OR11G2: variants seen among roughly 807,000 people sequenced by gnomAD.
The protein encoded by OR11G2 is olfactory receptor 11G2.
A neutral mutation model predicts 0.9 loss-of-function variants in OR11G2; 2 were observed. The ratio of observed to expected loss-of-function variants is 2.35; its 90% CI spans 0.96 to 7.38. The LOEUF (loss-of-function observed/expected upper bound fraction) is 7.38. Among genes scored for constraint, OR11G2 ranks in the 30% most tolerant of loss-of-function variants. The probability of loss-of-function intolerance (pLI) is 0.05; values close to 1 mark genes in which losing one functional copy is unlikely to be tolerated. For missense variants in OR11G2, 395 were observed against 371.3 expected, an observed-to-expected ratio of 1.06 and a Z score of -0.52; for synonymous variants, 153 against 142.0, an observed-to-expected ratio of 1.08 and a Z score of -0.55.
Position 20,197,980 on chromosome 14 carries a change from C to T in OR11G2, c.543C>T (p.Phe181=), listed in dbSNP as rs766378229. ...SFCGSRIIDH[F]LCDPAPLLTL... is the part of the protein sequence containing the mutation. ...GTGGATCTAGGATTATTGACCACTT[C>T]CTATGTGACCCAGCTCCTCTTCTAA... The change falls in exon 2 of 2, where the codon TTC becomes TTT. Residue 181 remains phenylalanine (F), a synonymous_variant. Transcript: ENST00000641879. 3 of 1,612,394 alleles carry T rather than the reference C, an allele frequency of 1.9e-6. No homozygotes were observed. The highest frequency in any genetic ancestry group is 2.5e-6 in the Non-Finnish European group (3 of 1,179,696).
At chr14:20,196,078 TGTTATATAGATTCCTCTG>T (rs1455328618) in intron 1 of OR11G2, among the ~76,000 whole-genome samples, 1 of 152,170 alleles carries the variant, frequency 6.6e-6, no homozygotes, top group African/African-American at 2.4e-5. Context: ...TGGTAAAAAT[TGTTATATAGATTCCTCTG>T]GTGCCATCTC....
rs138212036 is a variant in OR11G2 at position 20,197,638 on chromosome 14, C to A, written c.201C>A (p.Leu67=). ...QRLHAPMYIL[L]ANFSFLEICY... ...TCCACGCCCCCATGTACATCCTGCT[C>A]GCCAACTTCTCCTTCTTGGAGATAT... The change falls in exon 2 of 2, where the codon CTC becomes CTA. Residue 67 remains leucine, a synonymous_variant. Coordinates refer to ENST00000641879, the MANE Select transcript of OR11G2 (RefSeq NM_001386033.1). 1 of 1,614,142 alleles carries A rather than the reference C, an allele frequency of 6.2e-7. No homozygotes were observed. The highest frequency in any genetic ancestry group is 1.1e-5 in the South Asian group (1 of 91,084).
chr14:20,196,231 G>A (rs1388638167), intron 1 of OR11G2, among the ~76,000 whole-genome samples: 1 of 152,190 alleles, frequency 6.6e-6, no homozygotes, highest in Non-Finnish European at 1.5e-5. Flanking sequence ...AAGACAGAGA[G>A]CTTTTCTTGT....
chr14:20,198,340 G>A lies in OR11G2; in HGVS notation c.903G>A (p.Met301Ile), dbSNP rs2139116167. 2 of 1,578,232 alleles carry A rather than the reference G, an allele frequency of 1.3e-6. No homozygotes were observed. The highest frequency in any genetic ancestry group is 2.4e-5 in the South Asian group (2 of 84,878). Reference sequence around the variant, plus strand: ...TATATAGTCTTAGGAACAAAGATATGAGAAAAGCTCTGAAGAAATTTTGGG... The same window carrying A: ...TATATAGTCTTAGGAACAAAGATATAAGAAAAGCTCTGAAGAAATTTTGGG... Reference protein sequence around the residue: ...PVIYSLRNKDMRKALKKFWGT With the variant: ...PVIYSLRNKDIRKALKKFWGT The change falls in exon 2 of 2, where the codon ATG becomes ATA. Residue 301 changes from methionine (M) to isoleucine (I), a missense_variant. Transcript: ENST00000641879.
chr14:20,198,273 C>T lies in OR11G2; in HGVS notation c.836C>T (p.Thr279Ile). The T allele has an allele frequency of 5.0e-6, 8 of 1,613,154 alleles. No individual in the cohort carries two copies. Among genetic ancestry groups the T allele is most frequent in the Non-Finnish European group, 6.8e-6 (8 of 1,179,136 alleles). The change falls in exon 2 of 2, where the codon ACT becomes ATT. Residue 279 changes from threonine to isoleucine, a missense_variant. Coordinates refer to ENST00000641879, the MANE Select transcript of OR11G2 (RefSeq NM_001386033.1). ...KNEAGKQKTVTLFYSVVTPLL... is the reference protein window; with the variant it reads ...KNEAGKQKTVILFYSVVTPLL... The stretch of plus-strand genomic sequence containing the variant: ...GAAGCTGGAAAGCAGAAGACTGTGA[C>T]TCTGTTTTATTCTGTTGTTACCCCA...
Position 20,198,428 on chromosome 14 carries a change from TA to T in OR11G2, c.*65del, listed in dbSNP as rs139162797. 172,241 of 1,166,916 alleles carry T rather than the reference TA, an allele frequency of 0.15. 11,674 individuals are homozygous for T. The highest frequency in any genetic ancestry group is 0.16 in the Non-Finnish European group (138,945 of 855,478). The allele number at this position is 1,166,916 out of a possible 1,614,324, so 72.3% of individuals were successfully genotyped here. On this transcript the variant is annotated 3_prime_UTR_variant, in exon 2 of 2. Coordinates refer to ENST00000641879, the MANE Select transcript of OR11G2 (RefSeq NM_001386033.1). ...TAATCTTGTCTTTAATTTTGGGGTT[TA>T]AAAAAAAAACTGGTCTTGGCCAGGC...
At chr14:20,194,841 G>A (rs1879719815) in intron 1 of OR11G2, among the ~76,000 whole-genome samples, 1 of 152,202 alleles carries the variant, frequency 6.6e-6, no homozygotes, top group African/African-American at 2.4e-5. Flanking sequence ...AGGCAAAGGT[G>A]TGACATAGAA....
rs145451340 is a variant in OR11G2, at chr14:20,197,427, T to C, written c.-4-7T>C. On this transcript the variant is annotated splice_polypyrimidine_tract_variant and splice_region_variant and intron_variant, in intron 1 of 1. Coordinates refer to ENST00000641879, the MANE Select transcript of OR11G2 (RefSeq NM_001386033.1). ...TCAGTAATTGCTGGTGCTTTTACAA[T>C]TCACAGGCACATGAAAATCTTCAAC... The C allele has an allele frequency of 2.5e-6, 4 of 1,613,634 alleles. No individual in the cohort carries two copies. The South Asian group carries it at 3.3e-5, about 13-fold the overall frequency.
rs371354187 is a variant in OR11G2 at position 20,198,323 on chromosome 14, C to G, written c.886C>G (p.Leu296Val). The change falls in exon 2 of 2, where the codon CTT (leucine) becomes GTT (valine). Residue 296 changes from leucine to valine, a missense_variant. Leu to Val is a conservative substitution (Grantham distance 32). Coordinates refer to ENST00000641879, the MANE Select transcript of OR11G2 (RefSeq NM_001386033.1). ...TPLLNPVIYSLRNKDMRKALK... is the reference protein window; with the variant it reads ...TPLLNPVIYSVRNKDMRKALK... ...ACTGCTTAACCCTGTGATATATAGT[C>G]TTAGGAACAAAGATATGAGAAAAGC... The G allele has an allele frequency of 5.3e-5, 85 of 1,594,086 alleles. No individual in the cohort carries two copies. Among genetic ancestry groups the G allele is most frequent in the Middle Eastern group, 1.7e-4 (1 of 5,970 alleles).
chr14:20,193,116 T>G (rs1317049824), intron 1 of OR11G2, among the ~76,000 whole-genome samples: 6 of 152,170 alleles, frequency 3.9e-5, no homozygotes, highest in Non-Finnish European at 7.3e-5. Flanking sequence ...TGTTTTGGTT[T>G]TTGTTTTGGG....
rs993038531 is a variant in OR11G2 at position 20,199,723 on chromosome 14, T to A, written c.*1350T>A. 1 of 152,212 alleles carries A rather than the reference T, an allele frequency of 6.6e-6. No homozygotes were observed. Among genetic ancestry groups the A allele is most frequent in the Non-Finnish European group, 1.5e-5 (1 of 68,044 alleles). The allele number at this position is 152,212 out of a possible 1,614,324, so 9.4% of individuals were successfully genotyped here. A position where few individuals can be genotyped will look rare whatever the true frequency, so the allele number is the denominator to read the frequency against. The stretch of plus-strand genomic sequence containing the variant: ...CACTTCTTCCTTCACTTTCAGGAGA[T>A]TATCATGTAGCATGTGTCTTCAAAA... On this transcript the variant is annotated 3_prime_UTR_variant, in exon 2 of 2. Coordinates refer to ENST00000641879, the MANE Select transcript of OR11G2 (RefSeq NM_001386033.1).
intron 1 of OR11G2, among the ~76,000 whole-genome samples, chr14:20,196,278 T>C (rs1879751795): frequency 6.6e-6 from 1 of 152,200 alleles, no homozygotes; most frequent in Admixed American, 6.5e-5. Flanking sequence ...CTGGAAATAA[T>C]CTTATGCCAA....
chr14:20,195,492 A>G (rs1275298064), intron 1 of OR11G2, among the ~76,000 whole-genome samples: 3 of 152,234 alleles, frequency 2.0e-5, no homozygotes, highest in African/African-American at 4.8e-5. Context: ...GTGAGCTGCA[A>G]TTGTGCCACT....
rs1329721471 is a variant in OR11G2, at chr14:20,197,587, C to T, written c.150C>T (p.Ile50=). The change falls in exon 2 of 2, where the codon ATC becomes ATT. Residue 50 remains isoleucine (I), a synonymous_variant. Transcript: ENST00000641879. ...CCCTCATGGGCAATGGTTCCATCAT[C>T]TGTGCTGTGCACTGGGATCAGAGAC... ...LLTLMGNGSI[I]CAVHWDQRLH... The T allele has an allele frequency of 3.1e-6, 5 of 1,614,082 alleles. No homozygotes were observed. The highest frequency in any genetic ancestry group is 2.7e-5 in the African/African-American group (2 of 74,942).
chr14:20,198,412 C>G lies in OR11G2; in HGVS notation c.*39C>G. On this transcript the variant is annotated 3_prime_UTR_variant, in exon 2 of 2. Transcript: ENST00000641879. Reference sequence around the variant, plus strand: ...AAGGTCCTTGCGTAATTAATCTTGTCTTTAATTTTGGGGTTTAAAAAAAAA... The same window carrying G: ...AAGGTCCTTGCGTAATTAATCTTGTGTTTAATTTTGGGGTTTAAAAAAAAA... 2 of 1,414,708 alleles carry G rather than the reference C, an allele frequency of 1.4e-6. No individual in the cohort carries two copies. The highest frequency in any genetic ancestry group is 2.3e-5 in the East Asian group (1 of 43,582). The allele number at this position is 1,414,708 out of a possible 1,614,324, so 87.6% of individuals were successfully genotyped here. A position where few individuals can be genotyped will look rare whatever the true frequency, so the allele number is the denominator to read the frequency against.
rs10684373 is a variant in OR11G2 at position 20,200,156 on chromosome 14, CAAAAAAAAAA to C, written c.*1793_*1802del. ...TTTGCTGAGGATAATGACTTAATTC[CAAAAAAAAAA>C]AAAAAAAAAGTTCCTATCCACCACC... On this transcript the variant is annotated 3_prime_UTR_variant, in exon 2 of 2. Transcript: ENST00000641879. 1 of 128,370 alleles carries C rather than the reference CAAAAAAAAAA, an allele frequency of 7.8e-6. No individual in the cohort carries two copies. The highest frequency in any genetic ancestry group is 1.6e-5 in the Non-Finnish European group (1 of 61,794). 8.0% of individuals were successfully genotyped at this position (128,370 alleles called of 1,614,324 possible). A position where few individuals can be genotyped will look rare whatever the true frequency, so the allele number is the denominator to read the frequency against.
intron 1 of OR11G2, among the ~76,000 whole-genome samples, chr14:20,192,428 C>T (rs562790151): frequency 6.6e-6 from 1 of 152,270 alleles, no homozygotes; most frequent in African/African-American, 2.4e-5. Context: ...CTAGAATTTC[C>T]CTCTAGCTCT....
In OR11G2 at chr14:20,198,441, G is replaced by T; in HGVS notation, c.*68G>T. 8.1e-7 allele frequency: 1 copy of T among 1,235,700 alleles called. No individual in the cohort carries two copies. The highest frequency in any genetic ancestry group is 1.1e-6 in the Non-Finnish European group (1 of 884,584). 76.5% of individuals were successfully genotyped at this position (1,235,700 alleles called of 1,614,324 possible). On this transcript the variant is annotated 3_prime_UTR_variant, in exon 2 of 2. Transcript: ENST00000641879. The stretch of plus-strand genomic sequence containing the variant: ...AATTTTGGGGTTTAAAAAAAAAACT[G>T]GTCTTGGCCAGGCGCGGTGGCTTAC...
chr14:20,192,269 A>T (rs1879668910), intron 1 of OR11G2, among the ~76,000 whole-genome samples: 1 of 152,220 alleles, frequency 6.6e-6, no homozygotes, highest in African/African-American at 2.4e-5. Flanking sequence ...TATCATGTAT[A>T]CATGTGGGAT....
Sources: allele counts gnomAD v4.1 joint callset (sites outside exome capture counted in the v4.1 genomes callset), GRCh38; gene constraint gnomAD v4.1.1; transcripts MANE v1.5; gene names NCBI Gene and HGNC (gene_info 2026-07-23, HGNC 2026-07-21).